The following DHX38 variants were observed in gnomAD, a reference collection of about 807,000 sequenced individuals.
DHX38 encodes DEAH-box helicase 38.
Under a neutral mutation model 153.1 loss-of-function variants are expected in DHX38, and 100 were observed. That is an observed-to-expected ratio of 0.65 (90% confidence interval 0.56 to 0.77). The LOEUF is 0.77. Ranked by LOEUF, DHX38 falls within the 30% of genes least tolerant of loss-of-function variation. DHX38 has a pLI of 0.00. For synonymous variants in DHX38, 650 were observed against 631.7 expected (o/e 1.03, Z -0.43); for missense variants, 1,440 against 1,654.0 (o/e 0.87, Z 2.24).
At chr16:72,094,550 T>C (rs565565205) in intron 1 of DHX38, 2 of 152,350 alleles carry the variant, frequency 1.3e-5, no homozygotes, top group South Asian at 4.1e-4. Context: ...AATGAATGAA[T>C]CCAGGTTCTT....
rs1338624968 is a variant in DHX38, at chr16:72,104,909, T to C, written c.2152-118T>C. On this transcript the variant is annotated intron_variant, in intron 15 of 26. Transcript: ENST00000268482. This position sits in a 1 kb window ranked among gnomAD's most constrained non-coding sequence, Gnocchi z 4.5. ...CAGTCAGGCCCATGTGGAGGTGTGG[T>C]GGCCCTCAAAGTCCATGGCTCCATT... is the stretch of plus-strand genomic sequence containing the variant. 9.8e-7 allele frequency: 1 copy of C among 1,023,318 alleles called. No individual in the cohort carries two copies. Among genetic ancestry groups the C allele is most frequent in the Non-Finnish European group, 1.4e-6 (1 of 705,594 alleles). 63.4% of individuals were successfully genotyped at this position (1,023,318 alleles called of 1,614,324 possible).
In DHX38 at chr16:72,103,654, C is replaced by T; in HGVS notation, c.1690C>T (p.Gln564Ter). 2 of 1,613,820 alleles carry T rather than the reference C, an allele frequency of 1.2e-6. No homozygotes were observed. Among genetic ancestry groups the T allele is most frequent in the Non-Finnish European group, 1.7e-6 (2 of 1,179,738 alleles). ...VGETGSGKTT[Q>*]LTQYLHEDGY... ...GGAGACGGGGAGTGGTAAGACCACT[C>T]AGCTGACGCAGTACCTGCATGAAGA... The change falls in exon 13 of 27, where the codon CAG (glutamine) becomes TAG (stop). Residue 564 changes from glutamine (Q) to a stop codon, truncating the protein, a stop_gained. Coordinates refer to ENST00000268482, the MANE Select transcript of DHX38 (RefSeq NM_014003.4). LOFTEE classifies it high-confidence loss of function.
rs924378426 is a variant in DHX38, at chr16:72,096,292, C to A, written c.135C>A (p.Arg45=). 5.6e-6 allele frequency: 9 copies of A among 1,614,050 alleles called. No homozygotes were observed. Among genetic ancestry groups the A allele is most frequent in the Non-Finnish European group, 7.6e-6 (9 of 1,180,030 alleles). The change falls in exon 2 of 27, where the codon CGC becomes CGA. Residue 45 remains arginine (R), a synonymous_variant. Transcript: ENST00000268482. ...ATGTCTTCAAGGCTCCTGCTCCCCG[C>A]CCTTCATTACTCGGACTGGACTTGC... ...EQHVFKAPAP[R]PSLLGLDLLA...
At position 72,107,720 on chromosome 16, in the gene DHX38, C is replaced by T; in HGVS notation, c.2885C>T (p.Ser962Phe). ...DPALSKMLIVSCDMGCSSEIL... is the reference protein window; with the variant it reads ...DPALSKMLIVFCDMGCSSEIL... ...GCCCTGTCCAAGATGCTCATCGTGT[C>T]CTGTGACATGGGCTGCAGCTCCGAG... Residue 962 changes from serine (S) to phenylalanine (F), a missense_variant, in exon 21 of 27, where the codon TCC becomes TTC. By Grantham distance (155) the Ser-to-Phe change is radical. This residue lies in a region of DHX38 where 543 missense variants were observed against 717.9 expected (regional missense o/e 0.76). Coordinates refer to ENST00000268482, the MANE Select transcript of DHX38 (RefSeq NM_014003.4). This position sits in a 1 kb window ranked among gnomAD's most constrained non-coding sequence, Gnocchi z 5.3. The T allele has an allele frequency of 6.2e-7, 1 of 1,614,130 alleles. No individual in the cohort carries two copies. The highest frequency in any genetic ancestry group is 1.1e-5 in the South Asian group (1 of 91,080).
chr16:72,097,033 A>G (rs768904320), intron 3 of DHX38, 24 bp downstream of exon 3: 64 of 1,588,008 alleles, frequency 4.0e-5, no homozygotes, highest in Middle Eastern at 1.7e-4. Flanking sequence ...CACAGTTCCT[A>G]TTGTCCATTA....
intron 1 of DHX38, among the ~76,000 whole-genome samples, chr16:72,095,788 C>T (rs1349129957): frequency 3.9e-5 from 6 of 152,054 alleles, no homozygotes; most frequent in African/African-American, 1.2e-4. Context: ...TGGTGTTTTC[C>T]CTACATCCCT....
chr16:72,101,408 T>C, intron 10 of DHX38, 92 bp from the exon 11 acceptor site: 1 of 1,334,532 alleles, frequency 7.5e-7, no homozygotes, highest in Non-Finnish European at 1.0e-6. Flanking sequence ...GTTTACCACC[T>C]GCGGGGTGAA....
intron 12 of DHX38, 50 bp downstream of exon 12, chr16:72,103,261 T>G: frequency 1.3e-6 from 2 of 1,591,334 alleles, no homozygotes; most frequent in Non-Finnish European, 1.7e-6. Flanking sequence ...GGGGTGCCCT[T>G]GGTCTCCCAT....
chr16:72,109,293 CT>C, intron 24 of DHX38, 121 bp from the exon 25 acceptor site: 2 of 1,135,336 alleles, frequency 1.8e-6, no homozygotes, highest in South Asian at 1.5e-5. Flanking sequence ...TTTTCCTTTC[CT>C]TTTTTCAGCC....
intron 3 of DHX38, 86 bp downstream of exon 3, chr16:72,097,095 AC>A: frequency 6.9e-7 from 1 of 1,454,092 alleles, no homozygotes; most frequent in South Asian, 1.4e-5. Context: ...TTTTTGCAAC[AC>A]CCATTTGTTA....
chr16:72,102,971 G>T, intron 11 of DHX38, 103 bp from the exon 12 acceptor site: 1 of 1,503,694 alleles, frequency 6.7e-7, no homozygotes, highest in South Asian at 1.3e-5. Flanking sequence ...TCAGACTCTT[G>T]CCGAAGTCCT....
rs1567604323 is a variant in DHX38 at position 72,098,948 on chromosome 16, G to A, written c.786G>A (p.Ser262=). 5 of 1,614,026 alleles carry A rather than the reference G, an allele frequency of 3.1e-6. No individual in the cohort carries two copies. Among genetic ancestry groups the A allele is most frequent in the African/African-American group, 2.7e-5 (2 of 74,928 alleles). ...DRDRSVRGKY[S]DDTPLPTPSY... ...CCAGGTCTGTGAGGGGCAAGTACTC[G>A]GATGACACGCCTCTGCCAACTCCCT... Residue 262 remains serine, a synonymous_variant, in exon 6 of 27, where the codon TCG becomes TCA. Coordinates refer to ENST00000268482, the MANE Select transcript of DHX38 (RefSeq NM_014003.4).
intron 1 of DHX38, 43 bp from the exon 2 acceptor site, chr16:72,096,096 A>G: frequency 3.3e-6 from 5 of 1,535,668 alleles, no homozygotes; most frequent in South Asian, 1.3e-5. Flanking sequence ...GATATAGTAG[A>G]GCTGAGCCTT....
rs1597446081 is a variant in DHX38 at position 72,105,684 on chromosome 16, G to T, written c.2487+60G>T. The T allele has an allele frequency of 6.4e-6, 10 of 1,568,410 alleles. No individual in the cohort carries two copies. In the East Asian group the frequency reaches 2.2e-4, roughly 35 times the overall value. ...TCACCAGAAGCTAACTTAGCTGCGG[G>T]GTGGGAAGCCAGGGCCTCGCTCCTG... On this transcript the variant is annotated intron_variant, in intron 18 of 26. Coordinates refer to ENST00000268482, the MANE Select transcript of DHX38 (RefSeq NM_014003.4).
chr16:72,109,568 C>G, intron 25 of DHX38, 58 bp downstream of exon 25: 2 of 1,525,832 alleles, frequency 1.3e-6, no homozygotes, highest in African/African-American at 2.8e-5. Context: ...GGTGTTCCCT[C>G]CGCTTGGTAT....
intron 13 of DHX38, 71 bp from the exon 14 acceptor site, chr16:72,103,875 G>T: frequency 6.2e-7 from 1 of 1,601,114 alleles, no homozygotes; most frequent in Middle Eastern, 1.7e-4. Flanking sequence ...GCTAAGACTC[G>T]GACCCCAGTA....
chr16:72,097,349 A>G, intron 3 of DHX38: 1 of 405,766 alleles, frequency 2.5e-6, no homozygotes, highest in Non-Finnish European at 4.5e-6. Context: ...AGACAAAAAA[A>G]TCCAATGCTG....
intron 17 of DHX38, 48 bp downstream of exon 17, chr16:72,105,396 G>A: frequency 6.2e-7 from 1 of 1,605,294 alleles, no homozygotes. Flanking sequence ...TTCTCTAAAG[G>A]AAGCGAGAGG....
intron 18 of DHX38, 79 bp downstream of exon 18, chr16:72,105,703 G>A (rs950804195): frequency 5.0e-6 from 7 of 1,412,210 alleles, no homozygotes; most frequent in Non-Finnish European, 7.0e-6. Flanking sequence ...CCAGGGCCTC[G>A]CTCCTGGCCC....
Sources: gnomAD v4.1 joint callset for allele counts (sites outside exome capture counted in the v4.1 genomes callset) on GRCh38, gnomAD v4.1.1 for gene constraint, gnomAD v4.1.1 regional missense constraint, Gnocchi (gnomAD v3.1) non-coding constraint, MANE v1.5 for transcripts, NCBI Gene and HGNC (gene_info 2026-07-23, HGNC 2026-07-21) for gene names.